Variants in PPM1E observed in about 807,000 individuals in gnomAD.
PPM1E encodes the protein protein phosphatase 1E.
PPM1E carries 20 observed loss-of-function variants against 65.9 expected under a neutral mutation model. That is an observed-to-expected ratio of 0.30 (90% CI 0.21 to 0.44). PPM1E has a LOEUF of 0.44. PPM1E is among the 20% of genes least tolerant of loss of function. The pLI is 1.00. For missense variants in PPM1E, 713 were observed against 953.1 expected (o/e 0.75, Z 3.32); for synonymous variants, 352 against 374.9 (o/e 0.94, Z 0.70).
intron 1 of PPM1E, among the ~76,000 whole-genome samples, chr17:58,786,233 C>T (rs1483373288): frequency 6.6e-6 from 1 of 151,918 alleles, no homozygotes; most frequent in Non-Finnish European, 1.5e-5. Context: ...CCAGGATGGT[C>T]TCCGTCTCCT....
At chr17:58,883,400 C>A (rs1695158702) in intron 1 of PPM1E, among the ~76,000 whole-genome samples, 1 of 148,458 alleles carries the variant, frequency 6.7e-6, no homozygotes, top group Non-Finnish European at 1.5e-5. Context: ...TACCAGATTG[C>A]TTTCTTTTCT....
At chr17:58,824,755 AT>A (rs2050515774) in intron 1 of PPM1E, among the ~76,000 whole-genome samples, 1 of 128,616 alleles carries the variant, frequency 7.8e-6, no homozygotes, top group African/African-American at 2.7e-5. Flanking sequence ...CGCCTGGCTA[AT>A]TTTTTGTATT....
intron 1 of PPM1E, among the ~76,000 whole-genome samples, chr17:58,890,858 TTAC>T (rs1178865000): frequency 6.6e-5 from 10 of 152,168 alleles, no homozygotes; most frequent in Non-Finnish European, 1.5e-4. Context: ...TGTTAATTCT[TTAC>T]CAGGATTCTT....
intron 1 of PPM1E, among the ~76,000 whole-genome samples, chr17:58,938,534 A>T (rs2052017141): frequency 6.6e-6 from 1 of 152,160 alleles, no homozygotes; most frequent in African/African-American, 2.4e-5. Context: ...ATCAGTGTTT[A>T]AATTATAAGT....
intron 1 of PPM1E, among the ~76,000 whole-genome samples, chr17:58,788,693 T>C (rs1416427296): frequency 6.6e-6 from 1 of 152,216 alleles, no homozygotes; most frequent in Non-Finnish European, 1.5e-5. Context: ...AAGGATATAA[T>C]AGCAATGAAC....
At chr17:58,794,650 G>A (rs780143700) in intron 1 of PPM1E, among the ~76,000 whole-genome samples, 3 of 152,080 alleles carry the variant, frequency 2.0e-5, no homozygotes, top group Non-Finnish European at 2.9e-5. Context: ...ACTTATAAGT[G>A]AGAACATGCA....
rs1694813231 is a variant in PPM1E at position 58,981,837 on chromosome 17, C to A, written c.*806C>A. 6.6e-6 allele frequency: 1 copy of A among 152,556 alleles called. No individual in the cohort carries two copies. The highest frequency in any genetic ancestry group is 1.5e-5 in the Non-Finnish European group (1 of 68,042). The allele number at this position is 152,556 out of a possible 1,614,324, so 9.5% of individuals were successfully genotyped here. ...TGATGCTAATGTGTTTTCCACTGTA[C>A]CCTCATCTCAGGAATAAAACTGCTT... On this transcript the variant is annotated 3_prime_UTR_variant, in exon 7 of 7. Coordinates refer to ENST00000308249, the MANE Select transcript of PPM1E (RefSeq NM_014906.5).
intron 1 of PPM1E, among the ~76,000 whole-genome samples, chr17:58,862,873 T>C (rs1302245338): frequency 6.6e-6 from 1 of 152,254 alleles, no homozygotes; most frequent in Non-Finnish European, 1.5e-5. Flanking sequence ...GGAGTATGTT[T>C]TCCCTTTTGT....
At chr17:58,941,686 C>A (rs1428553383) in intron 1 of PPM1E, among the ~76,000 whole-genome samples, 2 of 98,194 alleles carry the variant, frequency 2.0e-5, no homozygotes, top group Non-Finnish European at 3.9e-5. Flanking sequence ...AGCAAGACTC[C>A]ATCTCAAAAA....
chr17:58,903,092 A>G (rs958097780), intron 1 of PPM1E, among the ~76,000 whole-genome samples: 7 of 152,186 alleles, frequency 4.6e-5, no homozygotes, highest in African/African-American at 1.7e-4. Context: ...AAAGAAAACA[A>G]ATAGGAGATG....
intron 1 of PPM1E, among the ~76,000 whole-genome samples, chr17:58,933,756 A>G (rs2051936372): frequency 6.7e-6 from 1 of 149,356 alleles, no homozygotes; most frequent in Non-Finnish European, 1.5e-5. Flanking sequence ...AGATCGCACC[A>G]TTGCACTCCA....
At chr17:58,896,485 T>C (rs2051418820) in intron 1 of PPM1E, among the ~76,000 whole-genome samples, 1 of 152,122 alleles carries the variant, frequency 6.6e-6, no homozygotes. Context: ...CTCGGGAGGC[T>C]GAGGCAGGAG....
chr17:58,935,129 T>C (rs1040882896), intron 1 of PPM1E, among the ~76,000 whole-genome samples: 9 of 150,084 alleles, frequency 6.0e-5, no homozygotes, highest in African/African-American at 2.2e-4. Context: ...CGGGTGCCTG[T>C]AATCCCAGCT....
intron 1 of PPM1E, among the ~76,000 whole-genome samples, chr17:58,936,956 C>T (rs539153672): frequency 1.3e-4 from 20 of 152,022 alleles, no homozygotes; most frequent in African/African-American, 4.6e-4. Context: ...ATGGAAAATA[C>T]GAATTGATTG....
intron 1 of PPM1E, among the ~76,000 whole-genome samples, chr17:58,936,231 A>G (rs746745551): frequency 1.8e-4 from 27 of 152,180 alleles, no homozygotes; most frequent in Non-Finnish European, 3.1e-4. Context: ...GTCCACTAAG[A>G]AAAAGAATAC....
At chr17:58,875,899 A>G (rs1052970582) in intron 1 of PPM1E, among the ~76,000 whole-genome samples, 2 of 152,198 alleles carry the variant, frequency 1.3e-5, no homozygotes, top group Non-Finnish European at 2.9e-5. Context: ...ACACATCTGT[A>G]CTATCATTAA....
At chr17:58,797,368 CCAGT>C (rs2050216662) in intron 1 of PPM1E, among the ~76,000 whole-genome samples, 1 of 152,094 alleles carries the variant, frequency 6.6e-6, no homozygotes, top group South Asian at 2.1e-4. Flanking sequence ...ACACCCTTTC[CCAGT>C]CAGTCTTCAC....
At chr17:58,932,669 A>G (rs542184389) in intron 1 of PPM1E, among the ~76,000 whole-genome samples, 31 of 152,324 alleles carry the variant, frequency 2.0e-4, no homozygotes, top group Non-Finnish European at 3.8e-4. Flanking sequence ...AGAAAAAAAT[A>G]AGGACTGGTT....
chr17:58,832,480 T>G (rs559770231), intron 1 of PPM1E, among the ~76,000 whole-genome samples: 5 of 152,266 alleles, frequency 3.3e-5, no homozygotes, highest in Non-Finnish European at 7.4e-5. Flanking sequence ...CTTCTATATA[T>G]AGAGAGAGAG....
Sources: gnomAD v4.1 joint callset for allele counts (sites outside exome capture counted in the v4.1 genomes callset) on GRCh38, gnomAD v4.1.1 for gene constraint, MANE v1.5 for transcripts, NCBI Gene and HGNC (gene_info 2026-07-23, HGNC 2026-07-21) for gene names.